The following TEKT1 variants were observed in gnomAD, a reference collection of about 807,000 sequenced individuals.
TEKT1 encodes the protein tektin-1.
In TEKT1, 32 loss-of-function variants were observed where a neutral mutation model predicts 34.8. That is an observed-to-expected ratio of 0.92 (90% confidence interval 0.69 to 1.23). The LOEUF (loss-of-function observed/expected upper bound fraction) is 1.23, where lower values mean the gene tolerates loss of function less well. TEKT1 is among the 50% of genes most tolerant of loss of function. The pLI, the probability that TEKT1 is intolerant of heterozygous loss-of-function variation, is 0.00. For synonymous variants in TEKT1, 207 were observed against 199.8 expected, an observed-to-expected ratio of 1.04 and a Z score of -0.30; for missense variants, 492 against 518.5, an observed-to-expected ratio of 0.95 and a Z score of 0.50.
intron 6 of TEKT1, among the ~76,000 whole-genome samples, chr17:6,807,276 T>A (rs1597786331): frequency 6.6e-6 from 1 of 152,246 alleles, no homozygotes; most frequent in African/African-American, 2.4e-5. Flanking sequence ...CTGAGGCTTG[T>A]GCATTCGTCA....
Position 6,800,963 on chromosome 17 carries a change from T to A in TEKT1, c.853-20A>T. The A allele has an allele frequency of 6.2e-7, 1 of 1,601,436 alleles. No homozygotes were observed. The stretch of plus-strand genomic sequence containing the variant: ...CATGACCTTACAAAAAGGATTAGAG[T>A]AGGTGAGGCCAAGCTGTGCTCCTCA... On this transcript the variant is annotated intron_variant, in intron 6 of 7. Coordinates refer to ENST00000338694, the MANE Select transcript of TEKT1 (RefSeq NM_053285.2).
At chr17:6,822,638 C>T (rs185541764) in intron 2 of TEKT1, among the ~76,000 whole-genome samples, 121 of 152,252 alleles carry the variant, frequency 7.9e-4, no homozygotes, top group Middle Eastern at 3.4e-3. Context: ...TCCAAATGTT[C>T]TCTTTTTTAA....
At chr17:6,826,898 T>G (rs1193057790) in intron 2 of TEKT1, among the ~76,000 whole-genome samples, 3 of 152,060 alleles carry the variant, frequency 2.0e-5, no homozygotes, top group African/African-American at 7.2e-5. Context: ...AGTTTCACCA[T>G]GCTAGCCAGG....
intron 6 of TEKT1, among the ~76,000 whole-genome samples, chr17:6,803,072 C>T (rs538869330): frequency 1.2e-3 from 186 of 152,132 alleles, no homozygotes; most frequent in Non-Finnish European, 1.5e-3. Flanking sequence ...TACAGTCCCA[C>T]CAACAGTGTA....
intron 2 of TEKT1, among the ~76,000 whole-genome samples, chr17:6,826,946 T>C (rs984695652): frequency 2.0e-5 from 3 of 152,104 alleles, no homozygotes; most frequent in Non-Finnish European, 4.4e-5. Context: ...CTGCCCGCCT[T>C]GGCCTCCCAA....
chr17:6,817,028 A>G (rs1977016353), intron 3 of TEKT1, among the ~76,000 whole-genome samples: 1 of 150,816 alleles, frequency 6.6e-6, no homozygotes, highest in Non-Finnish European at 1.5e-5. Context: ...AAATTCAAAG[A>G]CTTGTTTCCT....
intron 6 of TEKT1, among the ~76,000 whole-genome samples, chr17:6,807,796 G>A (rs943889726): frequency 2.0e-5 from 3 of 152,132 alleles, no homozygotes; most frequent in African/African-American, 4.8e-5. Context: ...ATTGGTGAAC[G>A]GCAAATGTTG....
chr17:6,815,446 A>T (rs748538205), intron 4 of TEKT1, 140 bp from the exon 5 acceptor site: 18 of 977,410 alleles, frequency 1.8e-5, no homozygotes, highest in Non-Finnish European at 2.7e-5. Context: ...TCACCCCAAC[A>T]CTCATGCGTA....
intron 2 of TEKT1, among the ~76,000 whole-genome samples, chr17:6,823,815 C>CTTTTT (rs33937600): frequency 1.2e-4 from 9 of 77,640 alleles, no homozygotes; most frequent in Non-Finnish European, 1.8e-4. Context: ...AAACCTCATC[C>CTTTTT]TTTTTTTTTT....
chr17:6,831,175 G>C (rs1904564110), intron 1 of TEKT1, among the ~76,000 whole-genome samples: 1 of 152,202 alleles, frequency 6.6e-6, no homozygotes, highest in Non-Finnish European at 1.5e-5. Context: ...GGGGAAGCCA[G>C]CTGGCAGAGG....
intron 2 of TEKT1, among the ~76,000 whole-genome samples, chr17:6,828,821 C>T (rs59125221): frequency 0.018 from 2,769 of 151,892 alleles, 99 homozygotes; most frequent in African/African-American, 0.064. Context: ...TTTAAATGTG[C>T]TTTCCTGAGA....
intron 2 of TEKT1, among the ~76,000 whole-genome samples, chr17:6,827,141 C>T (rs755262386): frequency 2.0e-4 from 30 of 152,046 alleles, no homozygotes; most frequent in Non-Finnish European, 3.2e-4. Context: ...TTTCATTGGT[C>T]AACAGGTCTA....
At chr17:6,826,419 G>A (rs1354591056) in intron 2 of TEKT1, among the ~76,000 whole-genome samples, 1 of 152,032 alleles carries the variant, frequency 6.6e-6, no homozygotes, top group African/African-American at 2.4e-5. Flanking sequence ...TTTTGATGAG[G>A]TATTTTTGTT....
chr17:6,819,931 GC>G (rs1977062768), intron 2 of TEKT1, among the ~76,000 whole-genome samples: 1 of 152,074 alleles, frequency 6.6e-6, no homozygotes, highest in African/African-American at 2.4e-5. Context: ...CTCGTGATCC[GC>G]CTGCCTCGGC....
intron 2 of TEKT1, among the ~76,000 whole-genome samples, chr17:6,829,472 T>C (rs2151593477): frequency 6.6e-6 from 1 of 151,912 alleles, no homozygotes; most frequent in East Asian, 1.9e-4. Flanking sequence ...TCTTTCTCTT[T>C]CTTTCTTTCT....
chr17:6,813,487 A>G (rs1976956138), intron 5 of TEKT1, among the ~76,000 whole-genome samples: 1 of 151,692 alleles, frequency 6.6e-6, no homozygotes, highest in African/African-American at 2.4e-5. Flanking sequence ...TACTCGTTTG[A>G]AGAGGAACTA....
chr17:6,805,963 T>A (rs907859814), intron 6 of TEKT1, among the ~76,000 whole-genome samples: 1 of 152,118 alleles, frequency 6.6e-6, no homozygotes, highest in African/African-American at 2.4e-5. Context: ...GGTGGAGAGT[T>A]CTGTAGATGT....
At chr17:6,826,434 A>T (rs76858655) in intron 2 of TEKT1, among the ~76,000 whole-genome samples, 9,478 of 152,172 alleles carry the variant, frequency 0.062, 831 homozygotes, top group African/African-American at 0.19. Flanking sequence ...TTTGTTAAAC[A>T]AAAGTTCTTC....
rs553096296 is a variant in TEKT1 at position 6,831,321 on chromosome 17, C to G, written c.-18+328G>C. Among the ~76,000 whole-genome samples, 5 of 152,330 alleles carry G rather than the reference C, an allele frequency of 3.3e-5. No homozygotes were observed. The South Asian group carries it at 1.0e-3, about 32-fold the overall frequency. ...CTACCCTAAGGTCTGAGTCCCTGCTCTTAGGGGCCTCTGGATCTCTGAAGC... is the reference window on the plus strand; with the variant it reads ...CTACCCTAAGGTCTGAGTCCCTGCTGTTAGGGGCCTCTGGATCTCTGAAGC... On this transcript the variant is annotated intron_variant, in intron 1 of 7. Coordinates refer to ENST00000338694, the MANE Select transcript of TEKT1 (RefSeq NM_053285.2).
Sources: allele counts gnomAD v4.1 joint callset (sites outside exome capture counted in the v4.1 genomes callset), GRCh38; gene constraint gnomAD v4.1.1; transcripts MANE v1.5; gene names NCBI Gene and HGNC (gene_info 2026-07-23, HGNC 2026-07-21).